The following STOX1 variants were observed in gnomAD, a reference collection of about 807,000 sequenced individuals.
STOX1 encodes the protein storkhead-box protein 1.
A neutral mutation model predicts 74.8 loss-of-function variants in STOX1; 57 were observed. The observed-to-expected ratio is 0.76, with a 90% CI of 0.62 to 0.95. The LOEUF is 0.95. STOX1 is among the 40% of genes least tolerant of loss of function. The probability of loss-of-function intolerance (pLI) is 0.00; values close to 1 mark genes in which losing one functional copy is unlikely to be tolerated. For missense variants in STOX1, 1,010 were observed against 1,117.0 expected (o/e 0.90, Z 1.37); for synonymous variants, 375 against 401.3 (o/e 0.93, Z 0.78).
intron 1 of STOX1, chr10:68,828,901 C>T: frequency 2.2e-6 from 2 of 892,512 alleles, no homozygotes; most frequent in Non-Finnish European, 2.7e-6. Flanking sequence ...ACAACAGCAG[C>T]TTTTTGCCTT....
At chr10:68,838,321 C>A (rs2133499680) in intron 1 of STOX1, among the ~76,000 whole-genome samples, 1 of 152,200 alleles carries the variant, frequency 6.6e-6, no homozygotes, top group Admixed American at 6.6e-5. Flanking sequence ...TCCGTCTCGG[C>A]CTCCCAAAGT....
At chr10:68,870,195 G>A (rs1840503922) in intron 1 of STOX1, among the ~76,000 whole-genome samples, 1 of 150,670 alleles carries the variant, frequency 6.6e-6, no homozygotes, top group East Asian at 1.9e-4. Flanking sequence ...TTAAGTTCTG[G>A]GCTTTTTACC....
chr10:68,893,866 A>T (rs1841148165), downstream of STOX1, among the ~76,000 whole-genome samples: 1 of 152,160 alleles, frequency 6.6e-6, no homozygotes, highest in Non-Finnish European at 1.5e-5. Context: ...AGTCTGGTAG[A>T]CATTTAGCAA....
At chr10:68,847,138 A>G (rs759806826) in intron 1 of STOX1, among the ~76,000 whole-genome samples, 1 of 152,216 alleles carries the variant, frequency 6.6e-6, no homozygotes, top group African/African-American at 2.4e-5. Context: ...CAGGTGCTTG[A>G]AAAAGCCAGA....
At chr10:68,856,511 T>C (rs1840130039) in intron 1 of STOX1, among the ~76,000 whole-genome samples, 1 of 152,092 alleles carries the variant, frequency 6.6e-6, no homozygotes, top group South Asian at 2.1e-4. Context: ...TGCTAGTACC[T>C]GACACAACTA....
At chr10:68,871,294 GTCT>G (rs1245115547) in intron 1 of STOX1, among the ~76,000 whole-genome samples, 1 of 152,224 alleles carries the variant, frequency 6.6e-6, no homozygotes, top group African/African-American at 2.4e-5. Flanking sequence ...GGGGCCACCT[GTCT>G]TCTTGGTGTA....
chr10:68,847,646 G>A (rs1370803590), intron 1 of STOX1, among the ~76,000 whole-genome samples: 1 of 151,976 alleles, frequency 6.6e-6, no homozygotes, highest in African/African-American at 2.4e-5. Flanking sequence ...CTGACCTCAA[G>A]TGATCCACCT....
At chr10:68,851,876 G>A (rs1357698606) in intron 1 of STOX1, among the ~76,000 whole-genome samples, 1 of 152,142 alleles carries the variant, frequency 6.6e-6, no homozygotes, top group Non-Finnish European at 1.5e-5. Context: ...GCTCACGCCT[G>A]TAATCCCAGC....
intron 1 of STOX1, among the ~76,000 whole-genome samples, chr10:68,837,478 T>C (rs1214214913): frequency 6.6e-6 from 1 of 152,232 alleles, no homozygotes; most frequent in Non-Finnish European, 1.5e-5. Context: ...CTGAGGTCAC[T>C]GAAGAGTATT....
At chr10:68,830,371 C>G (rs565805376) in intron 1 of STOX1, among the ~76,000 whole-genome samples, 2 of 152,162 alleles carry the variant, frequency 1.3e-5, no homozygotes, top group East Asian at 3.9e-4. Flanking sequence ...TTGACAGAGT[C>G]TCTCTCTGCT....
downstream of STOX1, among the ~76,000 whole-genome samples, chr10:68,894,336 G>A (rs931529875): frequency 6.6e-6 from 1 of 152,140 alleles, no homozygotes; most frequent in Non-Finnish European, 1.5e-5. Context: ...GGGATTACAG[G>A]TGTGAATGAC....
downstream of STOX1, among the ~76,000 whole-genome samples, chr10:68,894,717 A>C (rs2132011456): frequency 6.6e-6 from 1 of 152,212 alleles, no homozygotes; most frequent in East Asian, 1.9e-4. Context: ...AGTTAAGAGA[A>C]GTATTTTAAC....
chr10:68,868,195 A>T (rs2133574952), intron 1 of STOX1, among the ~76,000 whole-genome samples: 1 of 152,344 alleles, frequency 6.6e-6, no homozygotes, highest in African/African-American at 2.4e-5. Flanking sequence ...AGACAGAGAA[A>T]TAGAGTGCAA....
chr10:68,884,663 G>A lies in STOX1; in HGVS notation c.867G>A (p.Glu289=), dbSNP rs974955345. Residue 289 remains glutamate, a synonymous_variant, in exon 3 of 4, where the codon GAG becomes GAA. Coordinates refer to ENST00000298596, the MANE Select transcript of STOX1 (RefSeq NM_152709.5). ...VQNGAVSVSA[E]HHICESTKPL... ...ATGGGGCAGTTTCAGTGTCTGCGGAGCACCACATTTGTGAGAGCACCAAAC... is the reference window on the plus strand; with the variant it reads ...ATGGGGCAGTTTCAGTGTCTGCGGAACACCACATTTGTGAGAGCACCAAAC... 63 of 1,614,020 alleles carry A rather than the reference G, an allele frequency of 3.9e-5. No homozygotes were observed. The highest frequency in any genetic ancestry group is 5.1e-5 in the Non-Finnish European group (60 of 1,180,050).
chr10:68,846,808 C>T (rs1415271470), intron 1 of STOX1: 4 of 152,096 alleles, frequency 2.6e-5, no homozygotes, highest in Non-Finnish European at 5.9e-5. Flanking sequence ...TGTGTTAGTG[C>T]TTGTTTTGGC....
chr10:68,830,018 G>C (rs576963001), intron 1 of STOX1, among the ~76,000 whole-genome samples: 6 of 152,282 alleles, frequency 3.9e-5, no homozygotes, highest in Admixed American at 2.0e-4. Context: ...GATGCAGGGT[G>C]GGGGGTCTAG....
At chr10:68,888,627 A>ATTTTTTTTTT (rs747038041) in intron 3 of STOX1, among the ~76,000 whole-genome samples, 4 of 107,830 alleles carry the variant, frequency 3.7e-5, no homozygotes, top group East Asian at 5.0e-4. Context: ...CTTTGCCAGT[A>ATTTTTTTTTT]TTTTTTTTTT....
chr10:68,856,094 T>G (rs528268222), intron 1 of STOX1, among the ~76,000 whole-genome samples: 1 of 152,092 alleles, frequency 6.6e-6, no homozygotes, highest in African/African-American at 2.4e-5. Context: ...GGGCACAGGG[T>G]AGCAGGTTGG....
chr10:68,885,689 A>C lies in STOX1; in HGVS notation c.1893A>C (p.Leu631Phe). Residue 631 changes from leucine (L) to phenylalanine (F), a missense_variant, in exon 3 of 4, where the codon TTA becomes TTC. By Grantham distance (22) the Leu-to-Phe change is conservative (BLOSUM62 0). Coordinates refer to ENST00000298596, the MANE Select transcript of STOX1 (RefSeq NM_152709.5). Reference protein sequence around the residue: ...LRKSHSHFDKLGETKQTPHSL... With the variant: ...LRKSHSHFDKFGETKQTPHSL... ...AAAGTCATTCCCACTTTGACAAATT[A>C]GGGGAGACCAAACAGACTCCGCATA... The C allele has an allele frequency of 6.2e-7, 1 of 1,614,188 alleles. No individual in the cohort carries two copies. The highest frequency in any genetic ancestry group is 8.5e-7 in the Non-Finnish European group (1 of 1,180,036).
Sources: gnomAD v4.1 joint callset for allele counts (sites outside exome capture counted in the v4.1 genomes callset) on GRCh38, gnomAD v4.1.1 for gene constraint, MANE v1.5 for transcripts, NCBI Gene and HGNC (gene_info 2026-07-23, HGNC 2026-07-21) for gene names.